Variants in STK17B observed in about 807,000 individuals in gnomAD.
STK17B encodes the protein serine/threonine-protein kinase 17B.
In STK17B, 21 loss-of-function variants were observed where a neutral mutation model predicts 42.0. That is an observed-to-expected ratio of 0.50 (90% CI 0.35 to 0.72). The LOEUF (loss-of-function observed/expected upper bound fraction) is 0.72, where lower values mean the gene tolerates loss of function less well. Among genes scored for constraint, STK17B ranks in the 30% least tolerant of loss-of-function variants. STK17B has a pLI of 0.00. For synonymous variants in STK17B, 143 were observed against 148.4 expected (o/e 0.96, Z 0.26); for missense variants, 349 against 446.0 (o/e 0.78, Z 1.96).
At chr2:196,138,966 T>A (rs1308489011) in intron 7 of STK17B, among the ~76,000 whole-genome samples, 1 of 151,832 alleles carries the variant, frequency 6.6e-6, no homozygotes, top group Non-Finnish European at 1.5e-5. Flanking sequence ...TAAAATTATT[T>A]TATTTTATTT....
chr2:196,158,894 C>A (rs1699774656), intron 2 of STK17B, among the ~76,000 whole-genome samples: 1 of 151,726 alleles, frequency 6.6e-6, no homozygotes, highest in African/African-American at 2.4e-5. Flanking sequence ...GCCTGTAATC[C>A]CAGCTACTCA....
At chr2:196,149,325 G>A (rs528593043) in intron 3 of STK17B, among the ~76,000 whole-genome samples, 3 of 152,082 alleles carry the variant, frequency 2.0e-5, no homozygotes, top group African/African-American at 7.2e-5. Flanking sequence ...CACCACACCC[G>A]GCTAATTTTT....
intron 7 of STK17B, 78 bp downstream of exon 7, chr2:196,139,542 T>C: frequency 1.1e-6 from 1 of 889,870 alleles, no homozygotes; most frequent in Non-Finnish European, 1.5e-6. Context: ...ACTTTCTTAA[T>C]AGGTATATAT....
intron 7 of STK17B, among the ~76,000 whole-genome samples, chr2:196,138,672 T>A (rs1487339501): frequency 6.6e-6 from 1 of 151,530 alleles, no homozygotes; most frequent in African/African-American, 2.4e-5. Flanking sequence ...GCTTTCTGGG[T>A]TCAAGCAATT....
At chr2:196,151,675 C>T (rs2105695065) in intron 3 of STK17B, among the ~76,000 whole-genome samples, 1 of 152,178 alleles carries the variant, frequency 6.6e-6, no homozygotes, top group Non-Finnish European at 1.5e-5. Flanking sequence ...TTTAATTCTA[C>T]AAATATGCTT....
chr2:196,173,145 T>G (rs918960813), upstream of STK17B, among the ~76,000 whole-genome samples: 2 of 152,198 alleles, frequency 1.3e-5, no homozygotes, highest in Non-Finnish European at 2.9e-5. Context: ...TTTCTCTCTC[T>G]GGCACCACTG....
At position 196,156,532 on chromosome 2, in the gene STK17B, A is replaced by G; in HGVS notation, c.242T>C (p.Ile81Thr). The change falls in exon 3 of 8, where the codon ATT (isoleucine) becomes ACT (threonine). Residue 81 changes from isoleucine (I) to threonine (T), a missense_variant. By Grantham distance (89) the Ile-to-Thr change is moderately conservative. Around this residue, in one of 3 missense-constraint regions of STK17B, gnomAD observed 256 missense variants for 347.7 expected, o/e 0.74. Coordinates refer to ENST00000263955, the MANE Select transcript of STK17B (RefSeq NM_004226.4). ...AGACTTTGCCAATTCAAGCACAGCAATCTCGTGTAAAATTTCTGCTCGACA... is the reference window on the plus strand; with the variant it reads ...AGACTTTGCCAATTCAAGCACAGCAGTCTCGTGTAAAATTTCTGCTCGACA... ...QDCRAEILHEIAVLELAKSCP... is the reference protein window; with the variant it reads ...QDCRAEILHETAVLELAKSCP... The G allele has an allele frequency of 6.2e-7, 1 of 1,614,110 alleles. No homozygotes were observed. Among genetic ancestry groups the G allele is most frequent in the Non-Finnish European group, 8.5e-7 (1 of 1,179,998 alleles).
At chr2:196,159,904 A>AT (rs1271254361) in intron 2 of STK17B, among the ~76,000 whole-genome samples, 14 of 152,168 alleles carry the variant, frequency 9.2e-5, no homozygotes, top group Non-Finnish European at 1.9e-4. Context: ...TTCTTAAAAG[A>AT]TTGAGATTCC....
At chr2:196,174,209 CACTG>C (rs1276081835), upstream of STK17B, 5 of 152,192 alleles carry the variant, frequency 3.3e-5, no homozygotes, top group Admixed American at 2.6e-4. Flanking sequence ...AGTAATCACA[CACTG>C]ACTGGGAGCG....
chr2:196,140,567 C>A (rs1291673516), intron 6 of STK17B, among the ~76,000 whole-genome samples: 2 of 145,386 alleles, frequency 1.4e-5, no homozygotes. Flanking sequence ...TAACAAATAC[C>A]TTCTTCTAGC....
intron 4 of STK17B, 146 bp downstream of exon 4, chr2:196,145,765 G>T: frequency 1.6e-6 from 1 of 637,874 alleles, no homozygotes. Flanking sequence ...AGGCCACATA[G>T]GCACACGTAA....
chr2:196,143,573 T>G lies in STK17B; in HGVS notation c.594A>C (p.Thr198=). 6.3e-7 allele frequency: 1 copy of G among 1,595,502 alleles called. No homozygotes were observed. The highest frequency in any genetic ancestry group is 8.5e-7 in the Non-Finnish European group (1 of 1,174,348). ...HACELREIMG[T]PEYLAPEILN... ...GGAAATTCTTACCTAAATATTCTGGTGTTCCCATGATTTCCCGAAGTTCAC... is the reference window on the plus strand; with the variant it reads ...GGAAATTCTTACCTAAATATTCTGGGGTTCCCATGATTTCCCGAAGTTCAC... Residue 198 remains threonine, a synonymous_variant, in exon 5 of 8, where the codon ACA becomes ACC. Coordinates refer to ENST00000263955, the MANE Select transcript of STK17B (RefSeq NM_004226.4).
chr2:196,155,738 T>G lies in STK17B; in HGVS notation c.335+701A>C, dbSNP rs566907696. 4.1e-4 allele frequency among the ~76,000 whole-genome samples: 63 copies of G among 152,312 alleles called. No homozygotes were observed. The South Asian group carries it at 0.012, about 29-fold the overall frequency. On this transcript the variant is annotated intron_variant, in intron 3 of 7. Transcript: ENST00000263955. ...TTAGAATAAACGTGACAGACAATCA[T>G]GCAACAAAGGCACTCTGTAAGAGTC...
chr2:196,156,711 TAC>T, intron 2 of STK17B, 60 bp from the exon 3 acceptor site: 1 of 1,299,524 alleles, frequency 7.7e-7, no homozygotes, highest in Non-Finnish European at 1.1e-6. Context: ...GTTAGTATAT[TAC>T]AGATTCTGTT....
upstream of STK17B, among the ~76,000 whole-genome samples, chr2:196,172,748 G>T (rs149587845): frequency 3.9e-5 from 6 of 152,330 alleles, no homozygotes; most frequent in Admixed American, 3.3e-4. Flanking sequence ...GTCAAATGGA[G>T]AATATTGCTT....
intron 2 of STK17B, among the ~76,000 whole-genome samples, chr2:196,158,477 C>T (rs1699767956): frequency 6.6e-6 from 1 of 152,276 alleles, no homozygotes; most frequent in African/African-American, 2.4e-5. Context: ...AATATTTTCT[C>T]ATTGTATGCA....
chr2:196,167,738 G>A (rs1268443223), intron 1 of STK17B, among the ~76,000 whole-genome samples: 1 of 152,066 alleles, frequency 6.6e-6, no homozygotes, highest in African/African-American at 2.4e-5. Flanking sequence ...ACTCTTTTAA[G>A]AGCCTCCAAA....
chr2:196,139,187 A>G (rs1699454660), intron 7 of STK17B, among the ~76,000 whole-genome samples: 1 of 151,382 alleles, frequency 6.6e-6, no homozygotes, highest in African/African-American at 2.4e-5. Context: ...GAGGGTCTCA[A>G]TCTCCTGACC....
intron 2 of STK17B, among the ~76,000 whole-genome samples, chr2:196,157,674 C>T (rs773279789): frequency 1.4e-4 from 22 of 152,126 alleles, no homozygotes; most frequent in Non-Finnish European, 5.9e-5. Flanking sequence ...TACAAACACA[C>T]CCATTAAGGT....
Sources: gnomAD v4.1 joint callset for allele counts (sites outside exome capture counted in the v4.1 genomes callset) on GRCh38, gnomAD v4.1.1 for gene constraint, gnomAD v4.1.1 regional missense constraint, MANE v1.5 for transcripts, NCBI Gene and HGNC (gene_info 2026-07-23, HGNC 2026-07-21) for gene names.